TBC1D14: variants seen among roughly 807,000 people sequenced by gnomAD.
TBC1D14 encodes the protein TBC1 domain family, member 14.
In TBC1D14, 26 loss-of-function variants were observed where a neutral mutation model predicts 79.0. The observed-to-expected ratio is 0.33, with a 90% CI of 0.24 to 0.46. TBC1D14 has a LOEUF of 0.46. Ranked by LOEUF, TBC1D14 falls within the 20% of genes least tolerant of loss-of-function variation. The pLI, the probability that TBC1D14 is intolerant of heterozygous loss-of-function variation, is 1.00. For missense variants in TBC1D14, 769 were observed against 887.6 expected, an observed-to-expected ratio of 0.87 and a Z score of 1.70; for synonymous variants, 394 against 349.9, an observed-to-expected ratio of 1.13 and a Z score of -1.40.
intron 1 of TBC1D14, among the ~76,000 whole-genome samples, chr4:6,921,162 A>G (rs1469973792): frequency 6.6e-6 from 1 of 152,072 alleles, no homozygotes; most frequent in African/African-American, 2.4e-5. Flanking sequence ...GGTGTGCCAC[A>G]TACCCTCCCT....
intron 9 of TBC1D14, chr4:7,007,510 C>G (rs764051922): frequency 1.0e-5 from 13 of 1,287,334 alleles, no homozygotes; most frequent in Non-Finnish European, 3.0e-6. Flanking sequence ...TCTGTTCTCA[C>G]TGCCTTTACT....
At chr4:7,024,748 T>C (rs528373880) in intron 12 of TBC1D14, among the ~76,000 whole-genome samples, 43 of 152,324 alleles carry the variant, frequency 2.8e-4, no homozygotes, top group African/African-American at 8.7e-4. Flanking sequence ...TCAGCACATA[T>C]TCCTTGCAGG....
intron 3 of TBC1D14, among the ~76,000 whole-genome samples, chr4:6,985,989 A>G (rs1717783202): frequency 6.6e-6 from 1 of 152,232 alleles, no homozygotes; most frequent in East Asian, 1.9e-4. Context: ...TAGTTTCAAA[A>G]TATGTTCGAC....
At chr4:6,998,013 A>C (rs908535387) in intron 5 of TBC1D14, among the ~76,000 whole-genome samples, 1 of 152,338 alleles carries the variant, frequency 6.6e-6, no homozygotes, top group Non-Finnish European at 1.5e-5. Flanking sequence ...TTGACCACAC[A>C]CACAAAAAAG....
At chr4:6,917,678 G>T (rs1337806297) in intron 1 of TBC1D14, among the ~76,000 whole-genome samples, 2 of 152,126 alleles carry the variant, frequency 1.3e-5, no homozygotes, top group Non-Finnish European at 2.9e-5. Flanking sequence ...GTGTCGGCTT[G>T]GGGAATTCAG....
intron 12 of TBC1D14, among the ~76,000 whole-genome samples, chr4:7,020,171 A>G (rs1721690752): frequency 6.6e-6 from 1 of 152,026 alleles, no homozygotes; most frequent in Admixed American, 6.6e-5. Context: ...AGAGGTGGGT[A>G]TGTGAACCCC....
At chr4:6,993,639 G>A (rs1245006976) in intron 3 of TBC1D14, among the ~76,000 whole-genome samples, 1 of 152,190 alleles carries the variant, frequency 6.6e-6, no homozygotes, top group Non-Finnish European at 1.5e-5. Flanking sequence ...TTGATAATGA[G>A]ATCCTTTGTT....
chr4:6,923,401 A>T lies in TBC1D14; in HGVS notation c.12A>T (p.Gly4=). 6.3e-7 allele frequency: 1 copy of T among 1,594,476 alleles called. No individual in the cohort carries two copies. Among genetic ancestry groups the T allele is most frequent in the Non-Finnish European group, 8.6e-7 (1 of 1,168,082 alleles). MTD[G]KLSTSTNGVA... Reference sequence around the variant, plus strand: ...CTCCTTGGACCAAGATGACTGATGGAAAACTCTCCACCTCTACAAATGGCG... The same window carrying T: ...CTCCTTGGACCAAGATGACTGATGGTAAACTCTCCACCTCTACAAATGGCG... Residue 4 remains glycine, a synonymous_variant, in exon 2 of 14, where the codon GGA becomes GGT. Coordinates refer to ENST00000409757, the MANE Select transcript of TBC1D14 (RefSeq NM_020773.3).
intron 13 of TBC1D14, 58 bp from the exon 14 acceptor site, chr4:7,030,269 C>G (rs1722918036): frequency 6.4e-7 from 1 of 1,553,042 alleles, no homozygotes; most frequent in African/African-American, 1.4e-5. Flanking sequence ...TGCTTCGCTG[C>G]TGTCAGGATC....
At chr4:6,921,840 G>A (rs539741016) in intron 1 of TBC1D14, among the ~76,000 whole-genome samples, 2 of 152,090 alleles carry the variant, frequency 1.3e-5, no homozygotes, top group South Asian at 2.1e-4. Flanking sequence ...GAGATTACAG[G>A]CGCACACCAC....
chr4:6,987,407 G>A, intron 3 of TBC1D14: 1 of 1,348,202 alleles, frequency 7.4e-7, no homozygotes, highest in South Asian at 1.8e-5. Flanking sequence ...CCGGTCCCGT[G>A]GGCCTGTCCT....
chr4:7,002,463 A>G, intron 7 of TBC1D14, among the ~76,000 whole-genome samples: 1 of 152,170 alleles, frequency 6.6e-6, no homozygotes, highest in Non-Finnish European at 1.5e-5. Context: ...ATTAAAACCT[A>G]TGGACCGTAT....
intron 2 of TBC1D14, chr4:6,954,135 G>GC (rs1284822524): frequency 1.6e-6 from 1 of 607,768 alleles, no homozygotes; most frequent in Non-Finnish European, 3.0e-6. Context: ...CTTTCCGCCG[G>GC]CCTGCTGGGT....
intron 2 of TBC1D14, 51 bp from the exon 3 acceptor site, chr4:6,967,253 G>A (rs764530974): frequency 5.6e-6 from 9 of 1,598,696 alleles, no homozygotes; most frequent in Middle Eastern, 1.7e-4. Flanking sequence ...CTGTTCTGGT[G>A]TTTCTTGAAT....
intron 1 of TBC1D14, among the ~76,000 whole-genome samples, chr4:6,912,886 C>T (rs189472921): frequency 1.3e-5 from 2 of 152,364 alleles, no homozygotes; most frequent in Middle Eastern, 3.4e-3. Flanking sequence ...GCTTACACAG[C>T]TGGTGAGCGA....
intron 12 of TBC1D14, among the ~76,000 whole-genome samples, chr4:7,015,216 G>A (rs977217854): frequency 6.6e-6 from 1 of 151,972 alleles, no homozygotes; most frequent in Non-Finnish European, 1.5e-5. Context: ...GGGTGGGGCA[G>A]ATCCAGCGGC....
In TBC1D14 at chr4:7,027,902, TCACA is replaced by T. The variant is rs537894452; in HGVS notation, c.2017-2420_2017-2417del. 2.6e-4 allele frequency among the ~76,000 whole-genome samples: 31 copies of T among 118,784 alleles called. No individual in the cohort carries two copies. The South Asian group carries it at 3.5e-3, about 13-fold the overall frequency. The allele number at this position is 118,784 out of a possible 152,430, so 77.9% of individuals were successfully genotyped here. A position where few individuals can be genotyped will look rare whatever the true frequency, so the allele number is the denominator to read the frequency against. The stretch of plus-strand genomic sequence containing the variant: ...ACATTGCACACCCAGTCACCCACAA[TCACA>T]CACATACACAATCACCCCACACAGT... On this transcript the variant is annotated intron_variant, in intron 13 of 13. Transcript: ENST00000409757.
chr4:7,005,898 A>G (rs1720149240), intron 8 of TBC1D14, among the ~76,000 whole-genome samples: 1 of 152,214 alleles, frequency 6.6e-6, no homozygotes, highest in Non-Finnish European at 1.5e-5. Flanking sequence ...TGTTTGCTAG[A>G]TTATGCCTTT....
At chr4:7,012,082 C>T (rs955637375) in intron 11 of TBC1D14, among the ~76,000 whole-genome samples, 1 of 151,718 alleles carries the variant, frequency 6.6e-6, no homozygotes, top group African/African-American at 2.4e-5. Flanking sequence ...GGGCGGATCA[C>T]GAGGTCAGGA....
Sources: allele counts gnomAD v4.1 joint callset (sites outside exome capture counted in the v4.1 genomes callset), GRCh38; gene constraint gnomAD v4.1.1; transcripts MANE v1.5; gene names NCBI Gene and HGNC (gene_info 2026-07-23, HGNC 2026-07-21).